Variants in PCMTD1 observed in about 807,000 individuals in gnomAD.
PCMTD1 encodes the protein protein-L-isoaspartate O-methyltransferase domain-containing protein 1.
A neutral mutation model predicts 37.6 loss-of-function variants in PCMTD1; 12 were observed. The observed-to-expected ratio is 0.32, with a 90% CI of 0.20 to 0.52. The LOEUF is 0.52. PCMTD1 is among the 20% of genes least tolerant of loss of function. PCMTD1 has a pLI of 0.97. For synonymous variants in PCMTD1, 117 were observed against 135.8 expected, an observed-to-expected ratio of 0.86 and a Z score of 0.96; for missense variants, 235 against 421.3, an observed-to-expected ratio of 0.56 and a Z score of 3.87.
chr8:51,827,595 C>T (rs1171822116), intron 5 of PCMTD1, among the ~76,000 whole-genome samples: 1 of 151,956 alleles, frequency 6.6e-6, no homozygotes. Flanking sequence ...ATTTGCAGGC[C>T]CAGGCATCCC....
chr8:51,845,760 G>C lies in PCMTD1; in HGVS notation c.311C>G (p.Pro104Arg). The C allele has an allele frequency of 6.2e-7, 1 of 1,609,952 alleles. No homozygotes were observed. Among genetic ancestry groups the C allele is most frequent in the Non-Finnish European group, 8.5e-7 (1 of 1,177,482 alleles). The part of the protein sequence containing the change: ...LSTMVGLILG[P>R]FGINHGIELH... ...CTCAATCCCATGATTTATTCCAAAA[G>C]GACCTGCAATCGTAGCAGCATTTTT... The change falls in exon 3 of 6, where the codon CCT becomes CGT. Residue 104 changes from proline (P) to arginine (R), a missense_variant. By Grantham distance (103) the Pro-to-Arg change is moderately radical (BLOSUM62 -2). This residue lies in a region of PCMTD1 where 183 missense variants were observed against 349.3 expected (regional missense o/e 0.52). Transcript: ENST00000522514.
At chr8:51,857,248 T>G (rs540954006) in intron 2 of PCMTD1, among the ~76,000 whole-genome samples, 1 of 152,228 alleles carries the variant, frequency 6.6e-6, no homozygotes, top group Non-Finnish European at 1.5e-5. Context: ...AGCAAGGTAG[T>G]GGCATCCACA....
At chr8:51,873,920 CT>C (rs573068659) in intron 1 of PCMTD1, among the ~76,000 whole-genome samples, 1,552 of 142,512 alleles carry the variant, frequency 0.011, 22 homozygotes, top group African/African-American at 0.037. Flanking sequence ...TTTTCTTTTT[CT>C]TTTTTTTTTT....
At chr8:51,857,553 A>C (rs1202861810) in intron 2 of PCMTD1, among the ~76,000 whole-genome samples, 2 of 152,056 alleles carry the variant, frequency 1.3e-5, no homozygotes. Context: ...AGGACGTGGG[A>C]GGCTGCTTTA....
At chr8:51,875,161 GTTAC>G (rs1310774463) in intron 1 of PCMTD1, among the ~76,000 whole-genome samples, 11 of 152,046 alleles carry the variant, frequency 7.2e-5, no homozygotes, top group African/African-American at 2.7e-4. Context: ...CAATATTCCA[GTTAC>G]TTACAGTAAC....
chr8:51,828,009 T>C (rs1052211893), intron 5 of PCMTD1, among the ~76,000 whole-genome samples: 2 of 152,190 alleles, frequency 1.3e-5, no homozygotes, highest in Non-Finnish European at 2.9e-5. Flanking sequence ...AATTATGTTA[T>C]TATAAAACCA....
intron 3 of PCMTD1, among the ~76,000 whole-genome samples, chr8:51,843,255 T>G (rs1457399391): frequency 6.6e-6 from 1 of 152,032 alleles, no homozygotes; most frequent in Non-Finnish European, 1.5e-5. Flanking sequence ...CCCTAGTACC[T>G]ACTACTCCTT....
intron 2 of PCMTD1, chr8:51,848,930 TAATA>T (rs1343124437): frequency 2.5e-5 from 3 of 119,086 alleles, no homozygotes; most frequent in Admixed American, 7.8e-5. Flanking sequence ...AAAAATGCAT[TAATA>T]AAAGGCAGAA....
chr8:51,878,145 T>C (rs2038739245), intron 1 of PCMTD1, among the ~76,000 whole-genome samples: 1 of 152,168 alleles, frequency 6.6e-6, no homozygotes, highest in African/African-American at 2.4e-5. Flanking sequence ...ATAGCAAGCT[T>C]GTCCAACCCA....
intron 3 of PCMTD1, among the ~76,000 whole-genome samples, chr8:51,842,749 C>T (rs918490730): frequency 6.6e-6 from 1 of 151,960 alleles, no homozygotes; most frequent in Non-Finnish European, 1.5e-5. Flanking sequence ...TATAAGAAAA[C>T]TTTAAAAATG....
intron 1 of PCMTD1, among the ~76,000 whole-genome samples, chr8:51,898,521 C>G (rs2129297871): frequency 6.6e-6 from 1 of 152,270 alleles, no homozygotes; most frequent in East Asian, 1.9e-4. Flanking sequence ...CTAAGGGGCC[C>G]GCGGGCATCT....
intron 1 of PCMTD1, among the ~76,000 whole-genome samples, chr8:51,892,292 G>T (rs997012127): frequency 6.6e-6 from 1 of 152,106 alleles, no homozygotes; most frequent in Non-Finnish European, 1.5e-5. Context: ...CAGATACCAC[G>T]TATCATTTCT....
chr8:51,865,487 G>C (rs1175611533), intron 1 of PCMTD1, among the ~76,000 whole-genome samples: 1 of 152,036 alleles, frequency 6.6e-6, no homozygotes, highest in Non-Finnish European at 1.5e-5. Flanking sequence ...CACCAAGTGA[G>C]ACTGATCCTT....
At chr8:51,845,809 CT>C (rs1438568687) in intron 2 of PCMTD1, 46 bp from the exon 3 acceptor site, 2 of 1,326,800 alleles carry the variant, frequency 1.5e-6, no homozygotes, top group African/African-American at 2.9e-5. Flanking sequence ...ATAATATGCC[CT>C]TACAGAGCTC....
At position 51,898,920 on chromosome 8, in the gene PCMTD1, G is replaced by T; in HGVS notation, c.-96+10C>A. 5 of 1,328,964 alleles carry T rather than the reference G, an allele frequency of 3.8e-6. No individual in the cohort carries two copies. The highest frequency in any genetic ancestry group is 4.8e-6 in the Non-Finnish European group (5 of 1,042,072). 82.3% of individuals were successfully genotyped at this position (1,328,964 alleles called of 1,614,324 possible). A position where few individuals can be genotyped will look rare whatever the true frequency, so the allele number is the denominator to read the frequency against. On this transcript the variant is annotated intron_variant, in intron 1 of 5. Transcript: ENST00000522514. Reference sequence around the variant, plus strand: ...CCACGACCCCGAGCCCCCACTGGCGGCGGCGTTACCTGTGGCGCGGGCAGC... The same window carrying T: ...CCACGACCCCGAGCCCCCACTGGCGTCGGCGTTACCTGTGGCGCGGGCAGC...
At chr8:51,868,082 G>A (rs886646868) in intron 1 of PCMTD1, among the ~76,000 whole-genome samples, 2 of 151,878 alleles carry the variant, frequency 1.3e-5, no homozygotes, top group African/African-American at 4.8e-5. Context: ...ACATCACATC[G>A]CACCCCATAA....
chr8:51,824,881 A>G (rs1461985324), intron 5 of PCMTD1, among the ~76,000 whole-genome samples: 1 of 152,234 alleles, frequency 6.6e-6, no homozygotes, highest in Admixed American at 6.5e-5. Flanking sequence ...GACCTCAGAA[A>G]TAACACTACA....
At chr8:51,895,638 G>A (rs2038988877) in intron 1 of PCMTD1, among the ~76,000 whole-genome samples, 1 of 151,938 alleles carries the variant, frequency 6.6e-6, no homozygotes, top group South Asian at 2.1e-4. Context: ...TACACATAGT[G>A]TTTGATTCAC....
At chr8:51,861,819 C>A (rs2038475004) in intron 1 of PCMTD1, among the ~76,000 whole-genome samples, 1 of 151,472 alleles carries the variant, frequency 6.6e-6, no homozygotes, top group African/African-American at 2.4e-5. Flanking sequence ...CTCAAGTAAT[C>A]CTCCCACCTC....
Sources: allele counts gnomAD v4.1 joint callset (sites outside exome capture counted in the v4.1 genomes callset), GRCh38; gene constraint gnomAD v4.1.1; regional missense constraint gnomAD v4.1.1; transcripts MANE v1.5; gene names NCBI Gene and HGNC (gene_info 2026-07-23, HGNC 2026-07-21).